Variants in EIF2A observed in about 807,000 individuals in gnomAD.
EIF2A encodes 65 kDa eukaryotic translation initiation factor 2A.
Under a neutral mutation model 75.2 loss-of-function variants are expected in EIF2A, and 62 were observed. The observed-to-expected ratio is 0.82, with a 90% CI of 0.67 to 1.02. The LOEUF (loss-of-function observed/expected upper bound fraction) is 1.02, where lower values mean the gene tolerates loss of function less well. Among genes scored for constraint, EIF2A ranks in the 50% least tolerant of loss-of-function variants. The pLI, the probability that EIF2A is intolerant of heterozygous loss-of-function variation, is 0.00. For synonymous variants in EIF2A, 207 were observed against 239.0 expected (o/e 0.87, Z 1.23); for missense variants, 611 against 677.7 (o/e 0.90, Z 1.09).
rs192298506 is a variant in EIF2A, at chr3:150,580,497, A to G, written c.1498-1121A>G. The stretch of plus-strand genomic sequence containing the variant: ...TGAGATGGTACAATGCTTGTGTGGT[A>G]AGTTGAATGACCACGGCTATAACTT... On this transcript the variant is annotated intron_variant, in intron 11 of 13. Transcript: ENST00000460851. Among the ~76,000 whole-genome samples the G allele has an allele frequency of 4.6e-5, 7 of 152,332 alleles. No individual in the cohort carries two copies. The East Asian group carries it at 1.2e-3, about 25-fold the overall frequency.
intron 3 of EIF2A, among the ~76,000 whole-genome samples, chr3:150,562,294 C>T (rs573713179): frequency 5.9e-5 from 9 of 151,666 alleles, no homozygotes; most frequent in South Asian, 4.2e-4. Context: ...TGGTGGCGGG[C>T]ACCTGTAGTC....
intron 1 of EIF2A, among the ~76,000 whole-genome samples, chr3:150,549,202 TTTTC>T (rs1162783695): frequency 6.2e-5 from 9 of 145,080 alleles, no homozygotes; most frequent in Non-Finnish European, 1.2e-4. Context: ...AGAAATCTGT[TTTTC>T]TTTCTTTCTT....
In EIF2A at chr3:150,584,045, C is replaced by A; in HGVS notation, c.*134C>A. 1 of 754,492 alleles carries A rather than the reference C, an allele frequency of 1.3e-6. No homozygotes were observed. The highest frequency in any genetic ancestry group is 2.1e-6 in the Non-Finnish European group (1 of 485,302). 46.7% of individuals were successfully genotyped at this position (754,492 alleles called of 1,614,324 possible). A position where few individuals can be genotyped will look rare whatever the true frequency, so the allele number is the denominator to read the frequency against. The stretch of plus-strand genomic sequence containing the variant: ...TAATTTTAACCATTTATCCAAGATT[C>A]TACTAAGTGTAAAATTATTTAATAA... On this transcript the variant is annotated 3_prime_UTR_variant, in exon 14 of 14. Transcript: ENST00000460851.
Position 150,572,048 on chromosome 3 carries a change from T to C in EIF2A, c.902T>C (p.Ile301Thr). The change falls in exon 10 of 14, where the codon ATT (isoleucine) becomes ACT (threonine). Residue 301 changes from isoleucine (I) to threonine (T), a missense_variant. Ile to Thr is a moderately conservative substitution (Grantham distance 89). Transcript: ENST00000460851. The stretch of plus-strand genomic sequence containing the variant: ...GGTTTTATGCCTGCCAAAGCGACAA[T>C]TTTCAACTTGAAATGTGATCCTGTA... Reference protein sequence around the residue: ...VYGFMPAKATIFNLKCDPVFD... With the variant: ...VYGFMPAKATTFNLKCDPVFD... 6.2e-7 allele frequency: 1 copy of C among 1,613,992 alleles called. No homozygotes were observed. The highest frequency in any genetic ancestry group is 8.5e-7 in the Non-Finnish European group (1 of 1,179,898).
intron 6 of EIF2A, 100 bp from the exon 7 acceptor site, chr3:150,567,593 T>G (rs1487273831): frequency 2.5e-6 from 2 of 806,526 alleles, no homozygotes; most frequent in African/African-American, 1.7e-5. Flanking sequence ...GTGAGTAGTA[T>G]TGGTGTGTAG....
At chr3:150,565,537 T>C (rs540266994) in intron 6 of EIF2A, among the ~76,000 whole-genome samples, 39 of 152,316 alleles carry the variant, frequency 2.6e-4, no homozygotes, top group South Asian at 2.3e-3. Flanking sequence ...ATTCCACCTC[T>C]AGCAACCTTC....
chr3:150,564,446 T>C (rs1724060750), intron 6 of EIF2A, 65 bp downstream of exon 6: 1 of 1,310,760 alleles, frequency 7.6e-7, no homozygotes, highest in Non-Finnish European at 1.0e-6. Flanking sequence ...CCATTAACTT[T>C]TATGACATCA....
intron 9 of EIF2A, 110 bp downstream of exon 9, chr3:150,568,402 C>T: frequency 1.2e-6 from 1 of 840,194 alleles, no homozygotes; most frequent in Non-Finnish European, 1.7e-6. Flanking sequence ...ATTCATATGC[C>T]TTAATAACCT....
At chr3:150,547,902 T>G (rs1723129547) in intron 1 of EIF2A, among the ~76,000 whole-genome samples, 1 of 152,226 alleles carries the variant, frequency 6.6e-6, no homozygotes, top group South Asian at 2.1e-4. Flanking sequence ...AATAAATTTT[T>G]TTTTAGGTTT....
intron 3 of EIF2A, among the ~76,000 whole-genome samples, chr3:150,561,877 G>A (rs564194262): frequency 9.3e-5 from 14 of 150,482 alleles, no homozygotes; most frequent in South Asian, 2.1e-4. Context: ...TGCAGCCTCT[G>A]CCTCCCGAGT....
chr3:150,563,331 T>C (rs893806200), intron 4 of EIF2A, among the ~76,000 whole-genome samples, 184 bp from the exon 5 acceptor site: 1 of 152,190 alleles, frequency 6.6e-6, no homozygotes, highest in African/African-American at 2.4e-5. Flanking sequence ...TGAGAATCAG[T>C]TGAGAATCAT....
chr3:150,557,201 G>A (rs972301640), intron 2 of EIF2A, among the ~76,000 whole-genome samples: 1 of 152,088 alleles, frequency 6.6e-6, no homozygotes, highest in Non-Finnish European at 1.5e-5. Flanking sequence ...CGTATGTAAT[G>A]TAAGGACTGA....
At chr3:150,569,836 T>C (rs1724405259) in intron 9 of EIF2A, among the ~76,000 whole-genome samples, 1 of 151,726 alleles carries the variant, frequency 6.6e-6, no homozygotes, top group African/African-American at 2.4e-5. Context: ...AGTAAGCCAA[T>C]TGTAATTAAG....
At position 150,572,597 on chromosome 3, in the gene EIF2A, G is replaced by T; in HGVS notation, c.1383+68G>T. The T allele has an allele frequency of 2.1e-6, 3 of 1,448,300 alleles. No homozygotes were observed. In the Admixed American group the frequency reaches 6.3e-5, roughly 30 times the overall value. The allele number at this position is 1,448,300 out of a possible 1,614,324, so 89.7% of individuals were successfully genotyped here. A position where few individuals can be genotyped will look rare whatever the true frequency, so the allele number is the denominator to read the frequency against. Reference sequence around the variant, plus strand: ...GGGCCAGGAGTGGTGGTTCACATCCGTAATCCCAGCACTTCGGGAGGCCGA... The same window carrying T: ...GGGCCAGGAGTGGTGGTTCACATCCTTAATCCCAGCACTTCGGGAGGCCGA... On this transcript the variant is annotated intron_variant, in intron 10 of 13. Coordinates refer to ENST00000460851, the MANE Select transcript of EIF2A (RefSeq NM_032025.5).
intron 6 of EIF2A, chr3:150,566,685 G>A (rs561719578): frequency 6.6e-6 from 1 of 151,990 alleles, no homozygotes; most frequent in Non-Finnish European, 1.5e-5. Flanking sequence ...ATGATAATTT[G>A]AGAATATCAC....
At chr3:150,568,410 C>A in intron 9 of EIF2A, 118 bp downstream of exon 9, 2 of 791,604 alleles carry the variant, frequency 2.5e-6, no homozygotes, top group Non-Finnish European at 3.7e-6. Context: ...GCCTTAATAA[C>A]CTTTAAGATA....
chr3:150,551,522 C>G (rs914930197), intron 1 of EIF2A, among the ~76,000 whole-genome samples: 4 of 151,128 alleles, frequency 2.6e-5, no homozygotes, highest in African/African-American at 9.7e-5. Context: ...TGCCTTAGCC[C>G]AGGAGTTAGA....
At chr3:150,562,312 C>G (rs1723923939) in intron 3 of EIF2A, among the ~76,000 whole-genome samples, 1 of 151,606 alleles carries the variant, frequency 6.6e-6, no homozygotes, top group African/African-American at 2.4e-5. Flanking sequence ...GTCCCAGCTA[C>G]TTGGGAGGCT....
chr3:150,554,267 G>A (rs745697413), intron 2 of EIF2A, among the ~76,000 whole-genome samples: 14 of 151,996 alleles, frequency 9.2e-5, no homozygotes, highest in Non-Finnish European at 2.1e-4. Flanking sequence ...GGTTGATGGA[G>A]TCCTCACTCA....
Sources: gnomAD v4.1 joint callset for allele counts (sites outside exome capture counted in the v4.1 genomes callset) on GRCh38, gnomAD v4.1.1 for gene constraint, MANE v1.5 for transcripts, NCBI Gene and HGNC (gene_info 2026-07-23, HGNC 2026-07-21) for gene names.